CFAP91: variants seen among roughly 807,000 people sequenced by gnomAD.
CFAP91 encodes cilia and flagella associated protein 91, also known as cilia- and flagella-associated protein 91.
A neutral mutation model predicts 95.9 loss-of-function variants in CFAP91; 85 were observed. That is an observed-to-expected ratio of 0.89 (90% CI 0.74 to 1.06). The LOEUF (loss-of-function observed/expected upper bound fraction) is 1.06. CFAP91 is among the 50% of genes least tolerant of loss of function. CFAP91 has a pLI of 0.00. For synonymous variants in CFAP91, 335 were observed against 327.5 expected (o/e 1.02, Z -0.25); for missense variants, 962 against 943.4 (o/e 1.02, Z -0.26).
chr3:119,716,093 A>T (rs2053569290), intron 6 of CFAP91, among the ~76,000 whole-genome samples: 1 of 152,222 alleles, frequency 6.6e-6, no homozygotes, highest in South Asian at 2.1e-4. Context: ...TTGAGTGTAA[A>T]ATACTGAATG....
chr3:119,705,815 CAT>C (rs756146360), intron 1 of CFAP91, among the ~76,000 whole-genome samples: 2 of 152,274 alleles, frequency 1.3e-5, no homozygotes, highest in African/African-American at 4.8e-5. Flanking sequence ...AGTCAATAAA[CAT>C]GTGTTGAATG....
At chr3:119,739,431 A>G (rs1463395538) in intron 12 of CFAP91, 105 bp downstream of exon 12, 43 of 988,064 alleles carry the variant, frequency 4.4e-5, no homozygotes, top group Non-Finnish European at 6.0e-5. Context: ...GCACCCTGCT[A>G]TCCTATTCAG....
intron 17 of CFAP91, among the ~76,000 whole-genome samples, chr3:119,763,697 C>G (rs1240665953): frequency 6.6e-6 from 1 of 151,908 alleles, no homozygotes; most frequent in South Asian, 2.1e-4. Context: ...GTGAAATAAG[C>G]CAGGCACAGA....
intron 16 of CFAP91, 23 bp downstream of exon 16, chr3:119,747,925 CT>C (rs2054256429): frequency 1.3e-6 from 2 of 1,541,800 alleles, no homozygotes; most frequent in Non-Finnish European, 1.8e-6. Context: ...AAATGCTTTA[CT>C]TTAGGATTTT....
At chr3:119,714,075 T>G (rs1452758362) in intron 5 of CFAP91, among the ~76,000 whole-genome samples, 2 of 152,094 alleles carry the variant, frequency 1.3e-5, no homozygotes, top group South Asian at 2.1e-4. Context: ...GTAGAAATGC[T>G]GGAGCAGCCG....
intron 2 of CFAP91, 183 bp from the exon 3 acceptor site, chr3:119,707,221 A>T: frequency 1.9e-6 from 1 of 527,110 alleles, no homozygotes; most frequent in Non-Finnish European, 3.3e-6. Context: ...CCACATAAAC[A>T]GCCATTGTCA....
rs376273522 is a variant in CFAP91, at chr3:119,740,606, G to A, written c.1591G>A (p.Ala531Thr). ...GATCCAGGAGTTGCGCACCTGCCAC[G>A]CACTACAAGAAGATGAAAAGCTGGT... ...ELIQELRTCH[A>T]LQEDEKLVKK... is the part of the protein sequence containing the mutation. The change falls in exon 13 of 18, where the codon GCA becomes ACA. Residue 531 changes from alanine (A) to threonine (T), a missense_variant. Coordinates refer to ENST00000273390, the MANE Select transcript of CFAP91 (RefSeq NM_033364.4). 332 of 1,614,140 alleles carry A rather than the reference G, an allele frequency of 2.1e-4. 5 individuals are homozygous for A. The South Asian group carries it at 3.0e-3, about 14-fold the overall frequency.
At chr3:119,711,480 A>G (rs2053472444) in intron 5 of CFAP91, among the ~76,000 whole-genome samples, 1 of 152,226 alleles carries the variant, frequency 6.6e-6, no homozygotes, top group Non-Finnish European at 1.5e-5. Flanking sequence ...TAGGGAGTTC[A>G]GAGGCCTGCA....
At chr3:119,735,137 T>G (rs1445135253) in intron 10 of CFAP91, among the ~76,000 whole-genome samples, 1 of 152,182 alleles carries the variant, frequency 6.6e-6, no homozygotes, top group Non-Finnish European at 1.5e-5. Context: ...ATGCCTTAAC[T>G]CTTTTCCTTA....
intron 5 of CFAP91, among the ~76,000 whole-genome samples, chr3:119,711,521 C>T (rs2053473654): frequency 6.6e-6 from 1 of 152,320 alleles, no homozygotes; most frequent in Non-Finnish European, 1.5e-5. Context: ...CCCAACTCCT[C>T]CCTAAATAAC....
chr3:119,705,063 C>T (rs138209908), intron 1 of CFAP91, among the ~76,000 whole-genome samples: 85 of 152,328 alleles, frequency 5.6e-4, no homozygotes, highest in African/African-American at 2.0e-3. Context: ...GTATCCCCAT[C>T]ATTAAGCAAC....
intron 12 of CFAP91, 61 bp from the exon 13 acceptor site, chr3:119,740,488 C>T: frequency 6.3e-7 from 1 of 1,583,436 alleles, no homozygotes; most frequent in Non-Finnish European, 8.6e-7. Context: ...CGTGTGACTC[C>T]TAGTGCTTGG....
At chr3:119,732,263 G>C in intron 8 of CFAP91, 31 bp from the exon 9 acceptor site, 2 of 1,511,528 alleles carry the variant, frequency 1.3e-6, no homozygotes, top group Non-Finnish European at 1.8e-6. Context: ...CAATATTTTA[G>C]AGATAGTCAT....
intron 11 of CFAP91, among the ~76,000 whole-genome samples, chr3:119,738,330 G>GTTTTTTTTTTTTTTTTTTTTTTTTTT (rs1559761130): frequency 1.3e-4 from 3 of 23,706 alleles, no homozygotes; most frequent in Admixed American, 6.5e-4. Context: ...TTGACATATT[G>GTTTTTTTTTTTTTTTTTTTTTTTTTT]TCTTTTTTTT....
intron 6 of CFAP91, among the ~76,000 whole-genome samples, chr3:119,722,596 C>T (rs1007546197): frequency 1.3e-5 from 2 of 152,048 alleles, no homozygotes; most frequent in Non-Finnish European, 2.9e-5. Flanking sequence ...TCAAGTGATC[C>T]TCTCACCCCA....
chr3:119,733,284 AG>A, intron 9 of CFAP91, 79 bp from the exon 10 acceptor site: 1 of 1,462,316 alleles, frequency 6.8e-7, no homozygotes, highest in Non-Finnish European at 9.3e-7. Flanking sequence ...CTTGGCAAAC[AG>A]CTACAAAAGT....
intron 1 of CFAP91, among the ~76,000 whole-genome samples, chr3:119,703,928 C>A (rs1207854582): frequency 6.7e-6 from 1 of 149,890 alleles, no homozygotes; most frequent in Non-Finnish European, 1.5e-5. Flanking sequence ...GAACTGTAAC[C>A]AGCTATAAGC....
At chr3:119,721,232 CAT>C (rs2053679088) in intron 6 of CFAP91, among the ~76,000 whole-genome samples, 2 of 152,196 alleles carry the variant, frequency 1.3e-5, no homozygotes, top group African/African-American at 4.8e-5. Context: ...TAACCGAAAA[CAT>C]AGGAAAAATC....
chr3:119,722,620 C>A (rs1290661625), intron 6 of CFAP91, among the ~76,000 whole-genome samples: 1 of 152,090 alleles, frequency 6.6e-6, no homozygotes, highest in African/African-American at 2.4e-5. Context: ...TCCCAAGTAG[C>A]TGGGGCCACA....
Sources: allele counts gnomAD v4.1 joint callset (sites outside exome capture counted in the v4.1 genomes callset), GRCh38; gene constraint gnomAD v4.1.1; transcripts MANE v1.5; gene names NCBI Gene and HGNC (gene_info 2026-07-23, HGNC 2026-07-21).